Variants in KAZN observed in about 807,000 individuals in gnomAD.
The protein encoded by KAZN is kazrin.
KAZN carries 40 observed loss-of-function variants against 87.4 expected under a neutral mutation model. That is an observed-to-expected ratio of 0.46 (90% CI 0.36 to 0.60). KAZN has a LOEUF of 0.60. KAZN is among the 20% of genes least tolerant of loss of function. KAZN has a pLI of 0.00. For synonymous variants in KAZN, 466 were observed against 458.3 expected, an observed-to-expected ratio of 1.02 and a Z score of -0.22; for missense variants, 898 against 1,073.9, an observed-to-expected ratio of 0.84 and a Z score of 2.29.
chr1:14,807,916 A>G (rs1646275088), intron 1 of KAZN, among the ~76,000 whole-genome samples: 1 of 152,110 alleles, frequency 6.6e-6, no homozygotes, highest in African/African-American at 2.4e-5. Context: ...CTGCCCCTCA[A>G]CTACAAAAGT....
At position 15,099,918 on chromosome 1, in the gene KAZN, C is replaced by G. The variant is rs1002240032; in HGVS notation, c.1548-1625C>G. Among the ~76,000 whole-genome samples the G allele has an allele frequency of 4.6e-5, 7 of 152,064 alleles. No homozygotes were observed. Among genetic ancestry groups the G allele is most frequent in the Admixed American group, 6.5e-5 (1 of 15,272 alleles). On this transcript the variant is annotated intron_variant, in intron 10 of 14. Coordinates refer to ENST00000376030, the MANE Select transcript of KAZN (RefSeq NM_201628.3). This position sits in a 1 kb window ranked among gnomAD's most constrained non-coding sequence, Gnocchi z 5.4. ...GACCAGAGTGACCGACAGACAAGGACGGGCTATCAGCTTGGGAGCTGGGTG... is the reference window on the plus strand; with the variant it reads ...GACCAGAGTGACCGACAGACAAGGAGGGGCTATCAGCTTGGGAGCTGGGTG...
chr1:14,913,119 C>T (rs1657423947), intron 1 of KAZN, among the ~76,000 whole-genome samples: 1 of 152,166 alleles, frequency 6.6e-6, no homozygotes, highest in South Asian at 2.1e-4. Flanking sequence ...GGAGTGTGTG[C>T]TTGTGGTGCG....
chr1:14,599,087 C>T lies in KAZN; in HGVS notation c.90C>T (p.Leu30=), dbSNP rs779977088. 6.4e-6 allele frequency: 10 copies of T among 1,560,234 alleles called. No individual in the cohort carries two copies. The African/African-American group carries it at 1.1e-4, about 18-fold the overall frequency. Reference sequence around the variant, plus strand: ...AGGTGACCAACCTGCGAGCCGAACTCACGGCCACCAACCGGAGACTGGCGG... The same window carrying T: ...AGGTGACCAACCTGCGAGCCGAACTTACGGCCACCAACCGGAGACTGGCGG... ...SQEVTNLRAE[L]TATNRRLAEL... Residue 30 remains leucine (L), a synonymous_variant, in exon 1 of 15, where the codon CTC becomes CTT. Transcript: ENST00000376030. The surrounding 1 kb of genome is among the most constrained non-coding windows in gnomAD (Gnocchi z 4.4).
chr1:14,198,128 CT>C lies in KAZN; in HGVS notation c.249+17537del, dbSNP rs1388960728. 3.3e-5 allele frequency among the ~76,000 whole-genome samples: 5 copies of C among 152,134 alleles called. 1 individual carries two copies. The highest frequency in any genetic ancestry group is 4.8e-5 in the African/African-American group (2 of 41,434). On this transcript the variant is annotated intron_variant, in intron 2 of 16. Coordinates refer to the KAZN transcript ENST00000636203. Reference sequence around the variant, plus strand: ...AAGCATAAAGACAAAAATTGAAAAGCTGCCAGAGACAGGCTGTTATGAGTTA... The same window carrying C: ...AAGCATAAAGACAAAAATTGAAAAGCGCCAGAGACAGGCTGTTATGAGTTA...
intron 1 of KAZN, among the ~76,000 whole-genome samples, chr1:14,060,362 C>CAAAAAA (rs56206554): frequency 9.9e-6 from 1 of 100,628 alleles, no homozygotes; most frequent in Admixed American, 1.1e-4. Context: ...GACTCCACCT[C>CAAAAAA]AAAAAAAAAA....
intron 1 of KAZN, among the ~76,000 whole-genome samples, chr1:13,969,361 G>A (rs971690294): frequency 6.6e-6 from 1 of 152,158 alleles, no homozygotes; most frequent in Non-Finnish European, 1.5e-5. Flanking sequence ...TACAACTGGG[G>A]GAGATTTGGA....
chr1:14,345,246 G>A (rs1468690564), intron 2 of KAZN, among the ~76,000 whole-genome samples: 1 of 152,152 alleles, frequency 6.6e-6, no homozygotes, highest in Non-Finnish European at 1.5e-5. Context: ...CTTGTTATCT[G>A]CAGAGGCGTA....
At chr1:14,756,387 C>A (rs948737727) in intron 1 of KAZN, among the ~76,000 whole-genome samples, 2 of 152,162 alleles carry the variant, frequency 1.3e-5, no homozygotes, top group Non-Finnish European at 2.9e-5. Context: ...TGTCAGCCCC[C>A]CTGCAAAAAT....
At chr1:14,711,146 T>C (rs545737729) in intron 1 of KAZN, among the ~76,000 whole-genome samples, 26 of 152,286 alleles carry the variant, frequency 1.7e-4, no homozygotes, top group Admixed American at 1.5e-3. Context: ...TGAGCCATGA[T>C]GGCACCACTG....
chr1:14,005,661 C>G (rs1402167344), intron 1 of KAZN, among the ~76,000 whole-genome samples: 1 of 152,176 alleles, frequency 6.6e-6, no homozygotes, highest in African/African-American at 2.4e-5. Context: ...TTATCATATG[C>G]CAGGCACTAC....
Position 14,370,007 on chromosome 1 carries a change from C to T in KAZN, c.249+189415C>T, listed in dbSNP as rs117485518. Among the ~76,000 whole-genome samples, 302 of 152,306 alleles carry T rather than the reference C, an allele frequency of 2.0e-3. 4 individuals are homozygous for T. The East Asian group carries it at 0.037, about 19-fold the overall frequency. On this transcript the variant is annotated intron_variant, in intron 2 of 16. Transcript: ENST00000636203. ...TGTGGGTGCATTCCACCTCCCCACACGTGCATGAGAGGCCTTTTGGCCCCT... is the reference window on the plus strand; with the variant it reads ...TGTGGGTGCATTCCACCTCCCCACATGTGCATGAGAGGCCTTTTGGCCCCT...
At position 14,735,194 on chromosome 1, in the gene KAZN, G is replaced by A. The variant is rs1643865013; in HGVS notation, c.226+135971G>A. Among the ~76,000 whole-genome samples the A allele has an allele frequency of 6.6e-6, 1 of 152,182 alleles. No homozygotes were observed. Among genetic ancestry groups the A allele is most frequent in the South Asian group, 2.1e-4 (1 of 4,810 alleles). ...CCTGCCTCAGCCTCAGGAGCAGCTG[G>A]GACTACAGGCACCCGCCACCATGCC... On this transcript the variant is annotated intron_variant, in intron 1 of 14. Coordinates refer to ENST00000376030, the MANE Select transcript of KAZN (RefSeq NM_201628.3). This position sits in a 1 kb window ranked among gnomAD's most constrained non-coding sequence, Gnocchi z 4.3.
At chr1:14,879,759 G>A (rs968832614) in intron 1 of KAZN, among the ~76,000 whole-genome samples, 25 of 152,266 alleles carry the variant, frequency 1.6e-4, no homozygotes, top group Admixed American at 1.1e-3. Flanking sequence ...AATGTAGACC[G>A]TCCCCCACAG....
At chr1:14,607,712 A>G (rs929666975) in intron 1 of KAZN, among the ~76,000 whole-genome samples, 1 of 152,162 alleles carries the variant, frequency 6.6e-6, no homozygotes, top group African/African-American at 2.4e-5. Context: ...GTGACCAAAG[A>G]GAATCGCAGA....
intron 2 of KAZN, among the ~76,000 whole-genome samples, chr1:14,399,022 AG>A (rs1453331386): frequency 6.6e-6 from 1 of 151,824 alleles, no homozygotes; most frequent in African/African-American, 2.4e-5. Flanking sequence ...GAAATTTTGG[AG>A]GGGGGGATTT....
intron 2 of KAZN, among the ~76,000 whole-genome samples, chr1:14,391,789 G>A (rs899683729): frequency 6.6e-6 from 1 of 151,952 alleles, no homozygotes; most frequent in African/African-American, 2.4e-5. Context: ...CTGGGGGCAG[G>A]GTATTCCATT....
At chr1:13,893,348 C>T in exon 1 of KAZN, 1 of 233,160 alleles carries the variant, frequency 4.3e-6, no homozygotes, top group Non-Finnish European at 8.2e-6. Context: ...AAGTTCCAGC[C>T]ACCCTTCCGG....
At chr1:14,503,282 G>A (rs1670365013) in intron 2 of KAZN, among the ~76,000 whole-genome samples, 1 of 102,314 alleles carries the variant, frequency 9.8e-6, no homozygotes, top group Non-Finnish European at 2.1e-5. Context: ...AGGAGATCGA[G>A]AGCATCCTGG....
In KAZN at chr1:14,784,119, T is replaced by C. The variant is rs558249157; in HGVS notation, c.227-176565T>C. 2.0e-5 allele frequency among the ~76,000 whole-genome samples: 3 copies of C among 152,278 alleles called. No homozygotes were observed. In the East Asian group the frequency reaches 5.8e-4, roughly 29 times the overall value. On this transcript the variant is annotated intron_variant, in intron 1 of 14. Coordinates refer to ENST00000376030, the MANE Select transcript of KAZN (RefSeq NM_201628.3). ...AACGCACAGGGCAGGCTGGAATTCT[T>C]GGTCAGGCAGGGGTGAAGCTGCTGC...
Sources: allele counts gnomAD v4.1 joint callset (sites outside exome capture counted in the v4.1 genomes callset), GRCh38; gene constraint gnomAD v4.1.1; non-coding constraint Gnocchi (gnomAD v3.1); transcripts MANE v1.5; gene names NCBI Gene and HGNC (gene_info 2026-07-23, HGNC 2026-07-21).